Variants in HDAC9 observed in about 807,000 individuals in gnomAD.
HDAC9 encodes MEF-2 interacting transcription repressor (MITR) protein.
A neutral mutation model predicts 139.4 loss-of-function variants in HDAC9; 41 were observed. The observed-to-expected ratio is 0.29, with a 90% CI of 0.23 to 0.38. HDAC9 has a LOEUF of 0.38. Among genes scored for constraint, HDAC9 ranks in the 10% least tolerant of loss-of-function variants. The probability of loss-of-function intolerance (pLI) is 1.00; values close to 1 mark genes in which losing one functional copy is unlikely to be tolerated. For missense variants in HDAC9, 1,147 were observed against 1,297.0 expected (o/e 0.88, Z 1.78); for synonymous variants, 517 against 476.2 (o/e 1.09, Z -1.12).
intron 1 of HDAC9, among the ~76,000 whole-genome samples, chr7:18,143,160 A>G (rs919371349): frequency 5.3e-5 from 8 of 152,192 alleles, no homozygotes; most frequent in African/African-American, 1.9e-4. Context: ...TATCCTGTGC[A>G]CCTACGCCTA....
chr7:18,682,620 C>A (rs977087017), intron 12 of HDAC9, among the ~76,000 whole-genome samples: 1 of 151,460 alleles, frequency 6.6e-6, no homozygotes. Context: ...TTATAAAGGT[C>A]TTTTTTTTCA....
chr7:18,212,516 C>T (rs1792016225), intron 2 of HDAC9, among the ~76,000 whole-genome samples: 1 of 152,186 alleles, frequency 6.6e-6, no homozygotes, highest in South Asian at 2.1e-4. Flanking sequence ...CATTCACTGA[C>T]TGTTTACATT....
At chr7:18,617,232 T>G (rs1345224397) in intron 6 of HDAC9, among the ~76,000 whole-genome samples, 1 of 152,156 alleles carries the variant, frequency 6.6e-6, no homozygotes, top group African/African-American at 2.4e-5. Context: ...AGTTTAAGTC[T>G]AGTCTTCCTA....
intron 12 of HDAC9, among the ~76,000 whole-genome samples, chr7:18,682,920 G>A (rs1389646931): frequency 6.6e-6 from 1 of 151,948 alleles, no homozygotes; most frequent in East Asian, 1.9e-4. Context: ...AGCGGAGGTT[G>A]CAGTGAACTG....
intron 1 of HDAC9, among the ~76,000 whole-genome samples, chr7:18,354,264 C>T: frequency 6.6e-6 from 1 of 152,148 alleles, no homozygotes; most frequent in East Asian, 1.9e-4. Flanking sequence ...CCATTTATTA[C>T]ATTTGCCACT....
intron 3 of HDAC9, among the ~76,000 whole-genome samples, chr7:18,588,306 A>G (rs1299737499): frequency 6.6e-6 from 1 of 152,198 alleles, no homozygotes; most frequent in East Asian, 1.9e-4. Context: ...ATTGAAAGTT[A>G]CAAACACATG....
At chr7:18,427,208 C>T (rs959847581) in intron 1 of HDAC9, among the ~76,000 whole-genome samples, 1 of 152,074 alleles carries the variant, frequency 6.6e-6, no homozygotes, top group Admixed American at 6.6e-5. Flanking sequence ...TCTCTCTATT[C>T]CTAAATTCCT....
chr7:18,793,755 T>C (rs574807546), intron 17 of HDAC9, among the ~76,000 whole-genome samples: 54 of 152,274 alleles, frequency 3.5e-4, no homozygotes, highest in Middle Eastern at 3.4e-3. Context: ...AGTATATACA[T>C]GTCTGTCATG....
rs572723585 is a variant in HDAC9 at position 18,106,070 on chromosome 7, G to T, written c.-97+18857G>T. ...CTGAGGCAAAGGGAAGGGGGAATGAGATGTGACTGCTAAAGGATATAGGGT... is the reference window on the plus strand; with the variant it reads ...CTGAGGCAAAGGGAAGGGGGAATGATATGTGACTGCTAAAGGATATAGGGT... On this transcript the variant is annotated intron_variant, in intron 1 of 12. Coordinates refer to the HDAC9 transcript ENST00000417496. Among the ~76,000 whole-genome samples the T allele has an allele frequency of 2.6e-5, 4 of 152,348 alleles. No homozygotes were observed. In the East Asian group the frequency reaches 7.7e-4, roughly 29 times the overall value.
At chr7:18,129,091 C>G (rs761616897) in intron 1 of HDAC9, among the ~76,000 whole-genome samples, 3 of 152,112 alleles carry the variant, frequency 2.0e-5, no homozygotes, top group African/African-American at 4.8e-5. Flanking sequence ...GTGATTGAAG[C>G]AAGGAGACTG....
At chr7:18,908,440 G>T (rs1026619195) in intron 22 of HDAC9, among the ~76,000 whole-genome samples, 2 of 151,970 alleles carry the variant, frequency 1.3e-5, no homozygotes, top group Non-Finnish European at 2.9e-5. Context: ...AGAATAAATT[G>T]TTGTTAACTG....
chr7:18,584,289 C>T (rs1583687110), intron 2 of HDAC9, among the ~76,000 whole-genome samples: 1 of 151,726 alleles, frequency 6.6e-6, no homozygotes, highest in Non-Finnish European at 1.5e-5. Flanking sequence ...CCACCACACC[C>T]GGCTAATTTT....
intron 2 of HDAC9, among the ~76,000 whole-genome samples, chr7:18,206,362 T>C (rs1335588728): frequency 6.6e-6 from 1 of 152,208 alleles, no homozygotes; most frequent in African/African-American, 2.4e-5. Context: ...AGAATAAAGT[T>C]TATTTCATTA....
At chr7:18,684,253 C>CAAAAAA (rs61100280) in intron 12 of HDAC9, among the ~76,000 whole-genome samples, 1 of 142,774 alleles carries the variant, frequency 7.0e-6, no homozygotes. Context: ...GACCCTATCT[C>CAAAAAA]AAAAAAAAAA....
rs150133612 is a variant in HDAC9, at chr7:18,828,355, A to T, written c.2323-806A>T. On this transcript the variant is annotated intron_variant, in intron 17 of 25. Transcript: ENST00000686413. ...TGATTACTTCACGTCAAACAACCCA[A>T]CTTTTCTGAGCATGCTGGCTTTGCA... 5.3e-5 allele frequency among the ~76,000 whole-genome samples: 8 copies of T among 152,296 alleles called. No homozygotes were observed. The East Asian group carries it at 1.5e-3, about 29-fold the overall frequency.
intron 2 of HDAC9, among the ~76,000 whole-genome samples, chr7:18,276,916 TTC>T (rs1042265513): frequency 1.6e-4 from 24 of 152,300 alleles, no homozygotes; most frequent in South Asian, 6.2e-4. Flanking sequence ...TCCTAAATTT[TTC>T]TCTTTTTATC....
At position 18,760,900 on chromosome 7, in the gene HDAC9, C is replaced by A. The variant is rs149977462; in HGVS notation, c.2044-1257C>A. The stretch of plus-strand genomic sequence containing the variant: ...GAAGAGTCTGGCAGCAGCTGCATCA[C>A]CTTAAACTAGGGAGGCTGAATGTGG... On this transcript the variant is annotated intron_variant, in intron 14 of 25. Coordinates refer to ENST00000686413, the MANE Select transcript of HDAC9 (RefSeq NM_178425.4). Among the ~76,000 whole-genome samples, 610 of 152,324 alleles carry A rather than the reference C, an allele frequency of 4.0e-3. 4 individuals are homozygous for A. The highest frequency in any genetic ancestry group is 0.014 in the African/African-American group (576 of 41,586).
chr7:18,743,896 C>T (rs1219393700), intron 13 of HDAC9, among the ~76,000 whole-genome samples: 4 of 151,446 alleles, frequency 2.6e-5, no homozygotes, highest in Admixed American at 6.6e-5. Context: ...AAGATCATTC[C>T]GTCTTTAAAA....
chr7:18,659,594 G>C (rs1371217453), intron 11 of HDAC9, among the ~76,000 whole-genome samples: 1 of 152,118 alleles, frequency 6.6e-6, no homozygotes, highest in African/African-American at 2.4e-5. Flanking sequence ...CATGCTTAGT[G>C]TTCGGCCCAA....
Sources: gnomAD v4.1 joint callset for allele counts (sites outside exome capture counted in the v4.1 genomes callset) on GRCh38, gnomAD v4.1.1 for gene constraint, MANE v1.5 for transcripts, NCBI Gene and HGNC (gene_info 2026-07-23, HGNC 2026-07-21) for gene names.